Variants in INO80 observed in about 807,000 individuals in gnomAD.
INO80 encodes the protein INO80 complex ATPase subunit.
INO80 carries 20 observed loss-of-function variants against 203.4 expected under a neutral mutation model. The ratio of observed to expected loss-of-function variants is 0.10; its 90% CI spans 0.07 to 0.14. The LOEUF (loss-of-function observed/expected upper bound fraction) is 0.14, where lower values mean the gene tolerates loss of function less well. Among genes scored for constraint, INO80 ranks in the 10% least tolerant of loss-of-function variants. The probability of loss-of-function intolerance (pLI) is 1.00; values close to 1 mark genes in which losing one functional copy is unlikely to be tolerated. For missense variants in INO80, 1,419 were observed against 1,914.4 expected (o/e 0.74, Z 4.83); for synonymous variants, 726 against 685.2 (o/e 1.06, Z -0.93).
chr15:41,027,167 G>A (rs2044387730), intron 25 of INO80, among the ~76,000 whole-genome samples: 1 of 152,174 alleles, frequency 6.6e-6, no homozygotes, highest in Non-Finnish European at 1.5e-5. Context: ...TTTGTTATCT[G>A]GAGACTGTAC....
intron 27 of INO80, chr15:41,013,044 AACAG>A (rs1321924975): frequency 5.3e-5 from 8 of 151,710 alleles, no homozygotes; most frequent in Non-Finnish European, 1.0e-4. Flanking sequence ...AAGTCCCAGA[AACAG>A]ACAGCCAGCC....
chr15:41,063,139 C>A (rs1051638269), intron 14 of INO80, among the ~76,000 whole-genome samples: 2 of 152,054 alleles, frequency 1.3e-5, no homozygotes, highest in African/African-American at 4.8e-5. Context: ...GAGTCCAAGA[C>A]CAGCCTGGCC....
intron 1 of INO80, among the ~76,000 whole-genome samples, chr15:41,110,307 C>A (rs903731222): frequency 6.6e-6 from 1 of 150,946 alleles, no homozygotes; most frequent in African/African-American, 2.4e-5. Flanking sequence ...AGCACACTCA[C>A]CCAATTTTTG....
intron 27 of INO80, among the ~76,000 whole-genome samples, chr15:41,014,201 ATTCCCTT>A (rs2044170437): frequency 1.3e-5 from 2 of 152,180 alleles, no homozygotes; most frequent in Non-Finnish European, 2.9e-5. Flanking sequence ...GCTCATTCAC[ATTCCCTT>A]GGAACTTTCC....
chr15:41,048,199 T>C lies in INO80; in HGVS notation c.2641+13A>G. ...CCTGACAAACCTACTTTCCCAAAGA[T>C]CAAAACACCTACCTTTTCTGTGAAA... On this transcript the variant is annotated intron_variant, in intron 22 of 35. Coordinates refer to ENST00000648947, the MANE Select transcript of INO80 (RefSeq NM_017553.3). The C allele has an allele frequency of 6.2e-7, 1 of 1,606,740 alleles. No individual in the cohort carries two copies. The highest frequency in any genetic ancestry group is 8.5e-7 in the Non-Finnish European group (1 of 1,174,092).
At chr15:40,989,927 T>C (rs913000988) in intron 29 of INO80, among the ~76,000 whole-genome samples, 5 of 152,218 alleles carry the variant, frequency 3.3e-5, no homozygotes, top group Admixed American at 6.5e-5. Flanking sequence ...CTCTTCTTTA[T>C]TGGTCCTTTC....
intron 29 of INO80, among the ~76,000 whole-genome samples, chr15:40,991,616 G>C (rs2043817627): frequency 6.6e-6 from 1 of 151,994 alleles, no homozygotes; most frequent in African/African-American, 2.4e-5. Flanking sequence ...TGACTAAGGA[G>C]AAATAGTAGT....
At chr15:41,007,777 A>C (rs1027349804) in intron 27 of INO80, among the ~76,000 whole-genome samples, 5 of 151,320 alleles carry the variant, frequency 3.3e-5, no homozygotes, top group African/African-American at 7.3e-5. Flanking sequence ...AAAAAAAAAA[A>C]AACAAGAAAA....
intron 18 of INO80, among the ~76,000 whole-genome samples, chr15:41,054,996 A>G (rs2044956811): frequency 6.6e-6 from 1 of 152,152 alleles, no homozygotes; most frequent in South Asian, 2.1e-4. Flanking sequence ...AAAATATAAT[A>G]CTTTATGAAT....
At position 41,059,940 on chromosome 15, in the gene INO80, C is replaced by G; in HGVS notation, c.1783-14G>C. On this transcript the variant is annotated splice_polypyrimidine_tract_variant and intron_variant, in intron 14 of 35. Coordinates refer to ENST00000648947, the MANE Select transcript of INO80 (RefSeq NM_017553.3). ...ATATGGTAGCACCTAGAAAAAGGGC[C>G]AATATATACATTACTTTCTATAGAT... 6.6e-7 allele frequency: 1 copy of G among 1,526,390 alleles called. No individual in the cohort carries two copies. Among genetic ancestry groups the G allele is most frequent in the Admixed American group, 1.7e-5 (1 of 57,182 alleles). The allele number at this position is 1,526,390 out of a possible 1,614,324, so 94.6% of individuals were successfully genotyped here. A position where few individuals can be genotyped will look rare whatever the true frequency, so the allele number is the denominator to read the frequency against.
chr15:41,078,146 C>T lies in INO80; in HGVS notation c.1131+1555G>A, dbSNP rs112751747. 5.2e-3 allele frequency among the ~76,000 whole-genome samples: 788 copies of T among 152,228 alleles called. 6 individuals are homozygous for T. Among genetic ancestry groups the T allele is most frequent in the African/African-American group, 0.018 (753 of 41,546 alleles). ...AACTCCTGACCTTGTGATCCACCCA[C>T]CTCGGCCTCCCAAAGTGCTGAGATT... is the stretch of plus-strand genomic sequence containing the variant. On this transcript the variant is annotated intron_variant, in intron 9 of 35. Coordinates refer to ENST00000648947, the MANE Select transcript of INO80 (RefSeq NM_017553.3).
intron 19 of INO80, 88 bp from the exon 20 acceptor site, chr15:41,050,190 A>T (rs2044845396): frequency 1.2e-6 from 1 of 826,974 alleles, no homozygotes; most frequent in Admixed American, 2.4e-5. Context: ...CACACAAACC[A>T]TATTATGATT....
intron 24 of INO80, among the ~76,000 whole-genome samples, chr15:41,037,365 G>C (rs547207156): frequency 6.6e-6 from 1 of 151,226 alleles, no homozygotes; most frequent in African/African-American, 2.4e-5. Context: ...AAAATTAGCC[G>C]GGCGTGTTGG....
At chr15:41,015,959 A>AG (rs1318862724) in intron 27 of INO80, 129 bp downstream of exon 27, 7 of 704,766 alleles carry the variant, frequency 9.9e-6, no homozygotes, top group South Asian at 2.0e-5. Flanking sequence ...AAAAAAAAAA[A>AG]GGAAAAAGAA....
rs547519605 is a variant in INO80, at chr15:41,062,180, C to T, written c.1783-2254G>A. Among the ~76,000 whole-genome samples, 20 of 152,126 alleles carry T rather than the reference C, an allele frequency of 1.3e-4. 1 individual carries two copies. The South Asian group carries it at 2.1e-3, about 16-fold the overall frequency. The stretch of plus-strand genomic sequence containing the variant: ...TATACAAAACCTACAGCATATAAGT[C>T]GAGACAAAAGGGATGTAGTCCAAGT... On this transcript the variant is annotated intron_variant, in intron 14 of 35. Transcript: ENST00000648947.
intron 25 of INO80, among the ~76,000 whole-genome samples, chr15:41,026,321 G>C (rs1036281252): frequency 1.3e-5 from 2 of 152,202 alleles, no homozygotes; most frequent in African/African-American, 4.8e-5. Flanking sequence ...GGGAGGCCAA[G>C]ACAGGTAGAT....
In INO80 at chr15:41,027,613, A is replaced by G. The variant is rs2044395342; in HGVS notation, c.3031T>C (p.Cys1011Arg). 6.2e-7 allele frequency: 1 copy of G among 1,612,708 alleles called. No individual in the cohort carries two copies. Among genetic ancestry groups the G allele is most frequent in the East Asian group, 2.2e-5 (1 of 44,872 alleles). The change falls in exon 25 of 36, where the codon TGT (cysteine) becomes CGT (arginine). Residue 1011 changes from cysteine to arginine, a missense_variant. Physicochemically the swap from Cys to Arg is radical, Grantham distance 180. Around this residue, in one of 9 missense-constraint regions of INO80, gnomAD observed 302 missense variants for 345.4 expected, o/e 0.87. Coordinates refer to ENST00000648947, the MANE Select transcript of INO80 (RefSeq NM_017553.3). ...CLLTELPSFL[C>R]VASPRVTAVP... ...GCACTTACTCGTGGACTGGCCACAC[A>G]CAAAAAAGATGGCAGCTCAGTGAGC...
chr15:41,057,242 T>C (rs1329789667), intron 16 of INO80, among the ~76,000 whole-genome samples: 1 of 149,504 alleles, frequency 6.7e-6, no homozygotes, highest in Admixed American at 6.7e-5. Context: ...GAGGCTTGAG[T>C]GCAGGAGTTC....
chr15:41,031,806 C>T (rs1015731483), intron 24 of INO80, among the ~76,000 whole-genome samples: 2 of 152,004 alleles, frequency 1.3e-5, no homozygotes, highest in African/African-American at 4.8e-5. Flanking sequence ...AATATGCACA[C>T]AGTAGTGAAG....
Sources: allele counts gnomAD v4.1 joint callset (sites outside exome capture counted in the v4.1 genomes callset), GRCh38; gene constraint gnomAD v4.1.1; regional missense constraint gnomAD v4.1.1; transcripts MANE v1.5; gene names NCBI Gene and HGNC (gene_info 2026-07-23, HGNC 2026-07-21).